LPP: variants seen among roughly 807,000 people sequenced by gnomAD.
LPP encodes lipoma-preferred partner.
In LPP, 38 loss-of-function variants were observed where a neutral mutation model predicts 60.4. That is an observed-to-expected ratio of 0.63 (90% CI 0.49 to 0.83). The LOEUF (loss-of-function observed/expected upper bound fraction) is 0.83, where lower values mean the gene tolerates loss of function less well. Ranked by LOEUF, LPP falls within the 40% of genes least tolerant of loss-of-function variation. The probability of loss-of-function intolerance (pLI) is 0.00; values close to 1 mark genes in which losing one functional copy is unlikely to be tolerated. For missense variants in LPP, 902 were observed against 783.6 expected (o/e 1.15, Z -1.80); for synonymous variants, 328 against 290.8 (o/e 1.13, Z -1.30).
chr3:188,753,888 C>A (rs562485832), intron 8 of LPP, among the ~76,000 whole-genome samples: 1 of 152,162 alleles, frequency 6.6e-6, no homozygotes, highest in African/African-American at 2.4e-5. Flanking sequence ...TCAAGCCTCT[C>A]TATAGAATCA....
At chr3:188,175,719 A>G (rs553133641) in intron 1 of LPP, among the ~76,000 whole-genome samples, 4 of 152,258 alleles carry the variant, frequency 2.6e-5, no homozygotes, top group Non-Finnish European at 2.9e-5. Context: ...GAAAGGTCCT[A>G]TTTTTCAGAT....
intron 1 of LPP, among the ~76,000 whole-genome samples, chr3:188,169,974 G>A (rs888753855): frequency 1.3e-5 from 2 of 152,226 alleles, no homozygotes; most frequent in South Asian, 4.1e-4. Context: ...GCTGGGTCTA[G>A]CGGGAGATAG....
chr3:188,736,640 AGATG>A (rs1032587299), intron 8 of LPP, among the ~76,000 whole-genome samples: 3 of 152,010 alleles, frequency 2.0e-5, no homozygotes, highest in Admixed American at 6.6e-5. Flanking sequence ...CCAGACAGAT[AGATG>A]GATGGATGGA....
At chr3:188,855,619 C>T (rs1034336636) in intron 9 of LPP, among the ~76,000 whole-genome samples, 2 of 152,152 alleles carry the variant, frequency 1.3e-5, no homozygotes, top group African/African-American at 4.8e-5. Context: ...CATTTACTTA[C>T]TAAAATATTT....
chr3:188,154,357 GGC>G (rs1339437164), intron 1 of LPP, among the ~76,000 whole-genome samples, 105 bp downstream of exon 1: 1 of 152,084 alleles, frequency 6.6e-6, no homozygotes, highest in African/African-American at 2.4e-5. Context: ...AAGAGCGCAG[GGC>G]GCGCGCCCTG....
At chr3:188,562,992 G>A (rs1265663681) in intron 6 of LPP, among the ~76,000 whole-genome samples, 2 of 151,910 alleles carry the variant, frequency 1.3e-5, no homozygotes, top group Non-Finnish European at 2.9e-5. Context: ...AGTTTGTCGA[G>A]TGGCTTTATG....
At chr3:188,812,744 C>T (rs1751362788) in intron 9 of LPP, among the ~76,000 whole-genome samples, 2 of 151,088 alleles carry the variant, frequency 1.3e-5, no homozygotes, top group Non-Finnish European at 2.9e-5. Flanking sequence ...TCCCCTCATG[C>T]CCAGGAGCTA....
intron 2 of LPP, among the ~76,000 whole-genome samples, chr3:188,252,767 T>A (rs1730321912): frequency 6.6e-6 from 1 of 152,202 alleles, no homozygotes; most frequent in Admixed American, 6.5e-5. Context: ...TTGCCCATTT[T>A]AAAATTTTAT....
intron 3 of LPP, among the ~76,000 whole-genome samples, chr3:188,393,527 CA>C (rs1484704504): frequency 3.3e-5 from 5 of 152,136 alleles, no homozygotes; most frequent in African/African-American, 1.2e-4. Flanking sequence ...ACAGTGTTTT[CA>C]GTAGGTGATT....
At chr3:188,334,058 A>G (rs1001200372) in intron 2 of LPP, among the ~76,000 whole-genome samples, 1 of 152,152 alleles carries the variant, frequency 6.6e-6, no homozygotes, top group African/African-American at 2.4e-5. Context: ...GGTGATCAGT[A>G]TTTTACTCTC....
In LPP at chr3:188,610,450, T is replaced by C. The variant is rs772085499; in HGVS notation, c.1113+606T>C. 3.9e-5 allele frequency among the ~76,000 whole-genome samples: 6 copies of C among 152,244 alleles called. No individual in the cohort carries two copies. The highest frequency in any genetic ancestry group is 1.4e-4 in the African/African-American group (6 of 41,470). ...GCAGGTCTAAGATAATGCAAATGCC[T>C]TGGACAGTTTCTCCTTTGAGAAGGG... On this transcript the variant is annotated intron_variant, in intron 7 of 11. Transcript: ENST00000617246. The surrounding 1 kb of genome is among the most constrained non-coding windows in gnomAD (Gnocchi z 4.4).
intron 7 of LPP, among the ~76,000 whole-genome samples, chr3:188,641,804 A>G (rs1252078600): frequency 6.6e-6 from 1 of 152,176 alleles, no homozygotes. Context: ...CACTTCTGTT[A>G]ATTCACATGG....
chr3:188,548,878 G>A (rs1297214234), intron 6 of LPP, among the ~76,000 whole-genome samples: 5 of 152,164 alleles, frequency 3.3e-5, no homozygotes, highest in African/African-American at 1.2e-4. Flanking sequence ...TGGATCCTTG[G>A]AGGTCTTTGG....
At chr3:188,447,570 A>G (rs1795524491) in intron 4 of LPP, among the ~76,000 whole-genome samples, 1 of 148,610 alleles carries the variant, frequency 6.7e-6, no homozygotes, top group Non-Finnish European at 1.5e-5. Context: ...AGATTACACC[A>G]TAGCAGTCCA....
chr3:188,442,643 G>A (rs1190395979), intron 4 of LPP, among the ~76,000 whole-genome samples: 2 of 152,142 alleles, frequency 1.3e-5, no homozygotes, highest in Non-Finnish European at 2.9e-5. Context: ...TGTGACCGTG[G>A]TATTTCCTGA....
intron 1 of LPP, among the ~76,000 whole-genome samples, chr3:188,175,699 A>G (rs907898924): frequency 3.9e-5 from 6 of 152,216 alleles, no homozygotes; most frequent in African/African-American, 1.4e-4. Flanking sequence ...AAAAGAGATC[A>G]CTGGGCTCAG....
intron 3 of LPP, among the ~76,000 whole-genome samples, chr3:188,360,102 A>AGT (rs1768828814): frequency 6.6e-6 from 1 of 152,112 alleles, no homozygotes; most frequent in South Asian, 2.1e-4. Context: ...CCTTATCGTT[A>AGT]GTGTCACTTT....
chr3:188,226,608 G>A (rs565253832), intron 2 of LPP, among the ~76,000 whole-genome samples: 2 of 152,246 alleles, frequency 1.3e-5, no homozygotes, highest in South Asian at 4.1e-4. Flanking sequence ...AATTAGTAAG[G>A]GAATTCTGGG....
intron 9 of LPP, among the ~76,000 whole-genome samples, chr3:188,816,187 G>A (rs1432206451): frequency 6.7e-6 from 1 of 148,998 alleles, no homozygotes; most frequent in East Asian, 2.0e-4. Flanking sequence ...TGAATTGTAA[G>A]GCTTCCTTCT....
Sources: allele counts gnomAD v4.1 joint callset (sites outside exome capture counted in the v4.1 genomes callset), GRCh38; gene constraint gnomAD v4.1.1; non-coding constraint Gnocchi (gnomAD v3.1); transcripts MANE v1.5; gene names NCBI Gene and HGNC (gene_info 2026-07-23, HGNC 2026-07-21).